Variants in SLC30A7 observed in about 807,000 individuals in gnomAD.
SLC30A7 encodes solute carrier family 30 member 7, also known as zinc transporter 7.
SLC30A7 carries 35 observed loss-of-function variants against 46.0 expected under a neutral mutation model. The ratio of observed to expected loss-of-function variants is 0.76; its 90% CI spans 0.58 to 1.01. The LOEUF is 1.01. Among genes scored for constraint, SLC30A7 ranks in the 50% least tolerant of loss-of-function variants. SLC30A7 has a pLI of 0.00. For synonymous variants in SLC30A7, 147 were observed against 157.8 expected (o/e 0.93, Z 0.51); for missense variants, 464 against 451.1 (o/e 1.03, Z -0.26).
At chr1:100,908,565 A>G (rs1651847166) in intron 3 of SLC30A7, among the ~76,000 whole-genome samples, 1 of 152,200 alleles carries the variant, frequency 6.6e-6, no homozygotes, top group Non-Finnish European at 1.5e-5. Context: ...TACTCATTGT[A>G]CATTTTATAG....
intron 7 of SLC30A7, among the ~76,000 whole-genome samples, chr1:100,920,785 A>G (rs1402085894): frequency 6.6e-6 from 1 of 152,042 alleles, no homozygotes; most frequent in Admixed American, 6.5e-5. Context: ...TCAACTACAT[A>G]CATGCTTTTT....
intron 8 of SLC30A7, among the ~76,000 whole-genome samples, chr1:100,953,499 C>T (rs12757483): frequency 6.6e-6 from 1 of 152,194 alleles, no homozygotes; most frequent in African/African-American, 2.4e-5. Flanking sequence ...TCTGGTTTTT[C>T]TAAACAAGGT....
At chr1:100,921,274 G>A (rs1652920048) in intron 7 of SLC30A7, among the ~76,000 whole-genome samples, 2 of 152,060 alleles carry the variant, frequency 1.3e-5, no homozygotes, top group South Asian at 2.1e-4. Flanking sequence ...GGTAATAATT[G>A]TAATCACCAG....
chr1:100,936,892 C>G (rs936769819), intron 8 of SLC30A7, among the ~76,000 whole-genome samples: 2 of 152,088 alleles, frequency 1.3e-5, no homozygotes, highest in Admixed American at 6.5e-5. Context: ...CAATAATGTC[C>G]TCAAGTTTCA....
chr1:100,932,786 A>G (rs1653732768), intron 8 of SLC30A7, among the ~76,000 whole-genome samples: 1 of 152,176 alleles, frequency 6.6e-6, no homozygotes, highest in Admixed American at 6.5e-5. Context: ...GAGCTAGACT[A>G]TAAAAATGAA....
chr1:100,967,660 A>C (rs1655939331), intron 10 of SLC30A7, among the ~76,000 whole-genome samples: 1 of 152,242 alleles, frequency 6.6e-6, no homozygotes, highest in Non-Finnish European at 1.5e-5. Context: ...AACCATGAGC[A>C]AACATCCAGA....
At chr1:100,985,665 A>T (rs535183075), downstream of SLC30A7, among the ~76,000 whole-genome samples, 20 of 152,306 alleles carry the variant, frequency 1.3e-4, no homozygotes, top group African/African-American at 4.6e-4. Flanking sequence ...CAATGGAAGA[A>T]CAGTCTTCTT....
Position 100,926,850 on chromosome 1 carries a change from C to CA in SLC30A7, c.842+5010dup, listed in dbSNP as rs1489608838. 7.9e-5 allele frequency among the ~76,000 whole-genome samples: 12 copies of CA among 152,118 alleles called. No homozygotes were observed. The East Asian group carries it at 2.3e-3, about 29-fold the overall frequency. ...AACATGCAAATAGATAATGGACTGT[C>CA]AGTTGGTGACAAATGCCATAGAGTA... On this transcript the variant is annotated intron_variant, in intron 8 of 10. Transcript: ENST00000357650.
At chr1:100,922,812 T>C (rs1383931527) in intron 8 of SLC30A7, among the ~76,000 whole-genome samples, 1 of 152,212 alleles carries the variant, frequency 6.6e-6, no homozygotes, top group Non-Finnish European at 1.5e-5. Context: ...GTCTAATTTT[T>C]ATCATAATGA....
intron 8 of SLC30A7, among the ~76,000 whole-genome samples, chr1:100,958,214 T>G (rs1655334887): frequency 1.3e-5 from 2 of 152,124 alleles, no homozygotes; most frequent in South Asian, 4.1e-4. Context: ...TCTCGCTCTG[T>G]CACCCAGGCT....
intron 9 of SLC30A7, among the ~76,000 whole-genome samples, chr1:100,962,167 A>C (rs550384535): frequency 6.6e-6 from 1 of 152,238 alleles, no homozygotes; most frequent in African/African-American, 2.4e-5. Flanking sequence ...TAGAATATCT[A>C]TAGCAGAGAT....
chr1:100,921,669 A>G (rs1652939854), intron 7 of SLC30A7, 37 bp from the exon 8 acceptor site: 1 of 1,550,856 alleles, frequency 6.4e-7, no homozygotes, highest in Non-Finnish European at 8.9e-7. Context: ...AAATTAACCA[A>G]AAGACTGTTT....
At chr1:100,902,725 C>T (rs745889240) in intron 2 of SLC30A7, among the ~76,000 whole-genome samples, 42 of 152,156 alleles carry the variant, frequency 2.8e-4, no homozygotes, top group Admixed American at 3.9e-4. Flanking sequence ...GCCTTATCTT[C>T]GCATTGTGAT....
At chr1:100,992,825 C>T in the SLC30A7 span, 1 of 856,142 alleles carries the variant, frequency 1.2e-6, no homozygotes. Flanking sequence ...CCCAGGTATA[C>T]TCAAGTACCA....
chr1:100,974,754 T>C (rs1656362077), intron 10 of SLC30A7, 56 bp from the exon 11 acceptor site: 2 of 1,280,140 alleles, frequency 1.6e-6, no homozygotes, highest in Admixed American at 4.1e-5. Flanking sequence ...TCCTGAAATG[T>C]GTAGGGTGTT....
intron 2 of SLC30A7, among the ~76,000 whole-genome samples, chr1:100,897,373 T>A (rs545749035): frequency 5.9e-5 from 9 of 152,224 alleles, no homozygotes; most frequent in Non-Finnish European, 1.0e-4. Flanking sequence ...TGCTGTTGAG[T>A]AACTTAAGGT....
chr1:100,899,944 G>A (rs1387473454), intron 2 of SLC30A7, among the ~76,000 whole-genome samples: 1 of 151,904 alleles, frequency 6.6e-6, no homozygotes, highest in Non-Finnish European at 1.5e-5. Flanking sequence ...TCTGCGGAAA[G>A]TCAAGGATTT....
At chr1:100,995,983 G>A in the SLC30A7 span, 3 of 152,180 alleles carry the variant, frequency 2.0e-5, no homozygotes, top group Non-Finnish European at 2.9e-5. Flanking sequence ...TTTCCTAAGT[G>A]ATTATAGAAG....
chr1:100,954,850 G>A (rs6577221), intron 8 of SLC30A7, among the ~76,000 whole-genome samples: 24,352 of 151,832 alleles, frequency 0.16, 1,979 homozygotes, highest in African/African-American at 0.17. Context: ...TGTGAATTGC[G>A]TTACCATTAT....
Sources: allele counts gnomAD v4.1 joint callset (sites outside exome capture counted in the v4.1 genomes callset), GRCh38; gene constraint gnomAD v4.1.1; transcripts MANE v1.5; gene names NCBI Gene and HGNC (gene_info 2026-07-23, HGNC 2026-07-21).